The following LMTK2 variants were observed in gnomAD, a reference collection of about 807,000 sequenced individuals.
LMTK2 encodes serine/threonine-protein kinase LMTK2.
LMTK2 carries 37 observed loss-of-function variants against 127.5 expected under a neutral mutation model. The observed-to-expected ratio is 0.29, with a 90% CI of 0.22 to 0.38. The LOEUF is 0.38. Among genes scored for constraint, LMTK2 ranks in the 10% least tolerant of loss-of-function variants. The pLI is 1.00. For synonymous variants in LMTK2, 819 were observed against 810.1 expected (o/e 1.01, Z -0.19); for missense variants, 1,694 against 1,920.3 (o/e 0.88, Z 2.20).
At chr7:98,142,063 T>G (rs1362153599) in intron 3 of LMTK2, among the ~76,000 whole-genome samples, 1 of 152,236 alleles carries the variant, frequency 6.6e-6, no homozygotes, top group Admixed American at 6.5e-5. Flanking sequence ...GTTTGAAATT[T>G]AAGCCCTTTT....
intron 5 of LMTK2, among the ~76,000 whole-genome samples, chr7:98,156,259 A>G (rs1184205530): frequency 6.6e-6 from 1 of 152,184 alleles, no homozygotes; most frequent in Non-Finnish European, 1.5e-5. Flanking sequence ...AGGTCAGGAG[A>G]TTGAGACCAT....
intron 11 of LMTK2, among the ~76,000 whole-genome samples, chr7:98,196,943 C>T (rs184474231): frequency 4.6e-5 from 7 of 152,342 alleles, no homozygotes; most frequent in East Asian, 1.9e-4. Flanking sequence ...TGCCTTGAAG[C>T]GACAGCCACC....
At chr7:98,150,837 G>A (rs1796842491) in intron 3 of LMTK2, among the ~76,000 whole-genome samples, 1 of 152,214 alleles carries the variant, frequency 6.6e-6, no homozygotes, top group Admixed American at 6.5e-5. Context: ...GAATGGTTGT[G>A]TAGAGATGGG....
At chr7:98,186,386 G>A (rs1168246730) in intron 8 of LMTK2, among the ~76,000 whole-genome samples, 6 of 152,000 alleles carry the variant, frequency 3.9e-5, no homozygotes, top group Admixed American at 6.6e-5. Flanking sequence ...AATCCTCACC[G>A]CAGAGGGGAG....
At position 98,171,752 on chromosome 7, in the gene LMTK2, C is replaced by G; in HGVS notation, c.791+78C>G. 4 of 1,440,540 alleles carry G rather than the reference C, an allele frequency of 2.8e-6. No individual in the cohort carries two copies. Among genetic ancestry groups the G allele is most frequent in the Non-Finnish European group, 3.7e-6 (4 of 1,094,098 alleles). 89.2% of individuals were successfully genotyped at this position (1,440,540 alleles called of 1,614,324 possible). On this transcript the variant is annotated intron_variant, in intron 7 of 13. Transcript: ENST00000297293. The surrounding 1 kb of genome is among the most constrained non-coding windows in gnomAD (Gnocchi z 5.1). ...CAGAGAGGCTGCCGAGTTTGTGAAACTTAAGGAGGACAGGAGGTGGCAGAA... is the reference window on the plus strand; with the variant it reads ...CAGAGAGGCTGCCGAGTTTGTGAAAGTTAAGGAGGACAGGAGGTGGCAGAA...
In LMTK2 at chr7:98,107,118, AACGG is replaced by A. The variant is rs917289159; in HGVS notation, c.-46_-43del. 3.0e-4 allele frequency: 386 copies of A among 1,291,064 alleles called. No individual in the cohort carries two copies. Among genetic ancestry groups the A allele is most frequent in the South Asian group, 6.1e-4 (37 of 60,260 alleles). 80.0% of individuals were successfully genotyped at this position (1,291,064 alleles called of 1,614,324 possible). A position where few individuals can be genotyped will look rare whatever the true frequency, so the allele number is the denominator to read the frequency against. On this transcript the variant is annotated 5_prime_UTR_variant, in exon 1 of 14. Coordinates refer to ENST00000297293, the MANE Select transcript of LMTK2 (RefSeq NM_014916.4). ...GGGAGGCAGGATCGACTGACGGGCG[AACGG>A]ACGGACGGACGGAAGGCGACTCGAG... is the stretch of plus-strand genomic sequence containing the variant.
In LMTK2 at chr7:98,186,583, TA is replaced by T. The variant is rs11298669; in HGVS notation, c.877-293del. Among the ~76,000 whole-genome samples the T allele has an allele frequency of 5.8e-3, 891 of 152,340 alleles. 10 individuals are homozygous for T. Among genetic ancestry groups the T allele is most frequent in the African/African-American group, 0.02 (829 of 41,580 alleles). On this transcript the variant is annotated intron_variant, in intron 8 of 13. Coordinates refer to ENST00000297293, the MANE Select transcript of LMTK2 (RefSeq NM_014916.4). ...GCATAAGTCCCAGTATATATTGTTT[TA>T]GTGTTTTGCTCAGAGTCTATGTTAT...
At chr7:98,140,682 A>G (rs1008714116) in intron 2 of LMTK2, among the ~76,000 whole-genome samples, 6 of 152,202 alleles carry the variant, frequency 3.9e-5, no homozygotes, top group Admixed American at 6.5e-5. Context: ...TCACATTTCA[A>G]TTAGAAATGC....
intron 3 of LMTK2, among the ~76,000 whole-genome samples, chr7:98,150,184 T>G (rs965345477): frequency 2.0e-5 from 3 of 151,956 alleles, no homozygotes; most frequent in African/African-American, 7.3e-5. Context: ...AGCAGGTGCC[T>G]GTAGTCCCAG....
intron 10 of LMTK2, among the ~76,000 whole-genome samples, 194 bp from the exon 11 acceptor site, chr7:98,191,420 C>T (rs1295279014): frequency 6.6e-6 from 1 of 152,068 alleles, no homozygotes; most frequent in Admixed American, 6.5e-5. Flanking sequence ...GGCGCGGCAG[C>T]GGGCGCCTGT....
chr7:98,188,161 C>G (rs1797469339), intron 9 of LMTK2, among the ~76,000 whole-genome samples: 1 of 152,126 alleles, frequency 6.6e-6, no homozygotes, highest in Admixed American at 6.5e-5. Flanking sequence ...CCTCTCCCTC[C>G]CCTTCCCTGC....
chr7:98,155,141 C>T (rs1796910091), intron 5 of LMTK2, among the ~76,000 whole-genome samples: 2 of 152,080 alleles, frequency 1.3e-5, no homozygotes, highest in African/African-American at 2.4e-5. Flanking sequence ...TTTTAAAGCA[C>T]TCATCATAAA....
intron 6 of LMTK2, among the ~76,000 whole-genome samples, chr7:98,169,039 G>C (rs539557401): frequency 6.6e-6 from 1 of 152,196 alleles, no homozygotes; most frequent in East Asian, 1.9e-4. Flanking sequence ...TTTAGTACTT[G>C]CTTAACATAA....
intron 5 of LMTK2, among the ~76,000 whole-genome samples, chr7:98,155,388 C>T (rs1233599169): frequency 1.3e-5 from 2 of 152,110 alleles, no homozygotes; most frequent in African/African-American, 2.4e-5. Flanking sequence ...GGATTCAAAG[C>T]AGTAGTTAGG....
intron 10 of LMTK2, among the ~76,000 whole-genome samples, chr7:98,191,311 T>G (rs572670737): frequency 3.3e-5 from 5 of 152,044 alleles, no homozygotes; most frequent in Non-Finnish European, 5.9e-5. Flanking sequence ...CCCAGCACTT[T>G]GGGAGGCTGA....
At chr7:98,117,080 T>TCAG (rs1477459579) in intron 1 of LMTK2, among the ~76,000 whole-genome samples, 1 of 152,242 alleles carries the variant, frequency 6.6e-6, no homozygotes, top group Admixed American at 6.5e-5. Context: ...GTAGTGTTTG[T>TCAG]CAGCTTTCAC....
At chr7:98,124,836 CAA>C (rs1796420565) in intron 1 of LMTK2, among the ~76,000 whole-genome samples, 1 of 152,026 alleles carries the variant, frequency 6.6e-6, no homozygotes, top group Non-Finnish European at 1.5e-5. Flanking sequence ...CTACCTACCT[CAA>C]AGAGTTGTTA....
intron 2 of LMTK2, among the ~76,000 whole-genome samples, chr7:98,139,463 A>G (rs1172221059): frequency 6.6e-6 from 1 of 152,122 alleles, no homozygotes; most frequent in East Asian, 1.9e-4. Flanking sequence ...CTTTAGAATC[A>G]TCTGTTGGTA....
chr7:98,187,786 G>C (rs962259666), intron 9 of LMTK2, among the ~76,000 whole-genome samples: 6 of 151,936 alleles, frequency 3.9e-5, no homozygotes, highest in African/African-American at 1.2e-4. Flanking sequence ...TGTACTTTTA[G>C]TAGAGATGGA....
Sources: gnomAD v4.1 joint callset for allele counts (sites outside exome capture counted in the v4.1 genomes callset) on GRCh38, gnomAD v4.1.1 for gene constraint, Gnocchi (gnomAD v3.1) non-coding constraint, MANE v1.5 for transcripts, NCBI Gene and HGNC (gene_info 2026-07-23, HGNC 2026-07-21) for gene names.